Variants in LIMCH1 observed in about 807,000 individuals in gnomAD.
LIMCH1 encodes LIM and calponin homology domains 1.
Under a neutral mutation model 176.5 loss-of-function variants are expected in LIMCH1, and 113 were observed. That is an observed-to-expected ratio of 0.64 (90% CI 0.55 to 0.75). The LOEUF (loss-of-function observed/expected upper bound fraction) is 0.75, where lower values mean the gene tolerates loss of function less well. LIMCH1 is among the 30% of genes least tolerant of loss of function. The probability of loss-of-function intolerance (pLI) is 0.00; values close to 1 mark genes in which losing one functional copy is unlikely to be tolerated. For missense variants in LIMCH1, 1,674 were observed against 1,814.9 expected, an observed-to-expected ratio of 0.92 and a Z score of 1.41; for synonymous variants, 619 against 645.9, an observed-to-expected ratio of 0.96 and a Z score of 0.63.
At chr4:41,588,257 A>G (rs570198338) in intron 1 of LIMCH1, among the ~76,000 whole-genome samples, 1 of 152,324 alleles carries the variant, frequency 6.6e-6, no homozygotes, top group East Asian at 1.9e-4. Flanking sequence ...ATTTTTAGAT[A>G]CAGAATATGG....
chr4:41,502,109 T>A (rs1380415037), intron 2 of LIMCH1, among the ~76,000 whole-genome samples: 1 of 146,862 alleles, frequency 6.8e-6, no homozygotes, highest in Non-Finnish European at 1.5e-5. Flanking sequence ...TTCCCCCTAT[T>A]GTCCATGTGG....
intron 4 of LIMCH1, among the ~76,000 whole-genome samples, chr4:41,612,116 T>A (rs1319857742): frequency 6.6e-6 from 1 of 152,172 alleles, no homozygotes; most frequent in Non-Finnish European, 1.5e-5. Context: ...CGTCCTGCCC[T>A]TGTCCTCTTG....
chr4:41,456,837 G>A lies in LIMCH1; in HGVS notation c.97-37699G>A, dbSNP rs536228251. On this transcript the variant is annotated intron_variant, in intron 1 of 26. Transcript: ENST00000313860. ...TTGTTTGCTCACATGTCTGGTGGTC[G>A]ATGCTACAGGTCAGCTGAGACTTTA... 1.9e-3 allele frequency among the ~76,000 whole-genome samples: 295 copies of A among 152,220 alleles called. 1 individual carries two copies. The highest frequency in any genetic ancestry group is 6.8e-3 in the African/African-American group (281 of 41,530).
Position 41,685,733 on chromosome 4 carries a change from T to A in LIMCH1, c.3991T>A (p.Ser1331Thr), listed in dbSNP as rs1720212281. ...AQDPSQNQQT[S>T]NPTHSSEDVK... ...AGATCCATCCCAGAATCAGCAGACA[T>A]CAAATCCAACGCACAGTTCAGAAGA... The change falls in exon 28 of 32, where the codon TCA (serine) becomes ACA (threonine). Residue 1331 changes from serine (S) to threonine (T), a missense_variant. Ser to Thr is a moderately conservative substitution (Grantham distance 58). This residue lies in a region of LIMCH1 where 1,015 missense variants were observed against 1,102.5 expected (regional missense o/e 0.92). Transcript: ENST00000503057. 1 of 1,613,508 alleles carries A rather than the reference T, an allele frequency of 6.2e-7. No homozygotes were observed. Among genetic ancestry groups the A allele is most frequent in the Non-Finnish European group, 8.5e-7 (1 of 1,179,702 alleles).
At chr4:41,410,965 T>C (rs1214067700) in intron 1 of LIMCH1, among the ~76,000 whole-genome samples, 1 of 152,202 alleles carries the variant, frequency 6.6e-6, no homozygotes, top group African/African-American at 2.4e-5. Context: ...TTGCTGTTTG[T>C]AGAGGTTCAC....
At chr4:41,658,877 T>G (rs1307228937) in intron 18 of LIMCH1, among the ~76,000 whole-genome samples, 1 of 152,208 alleles carries the variant, frequency 6.6e-6, no homozygotes. Flanking sequence ...TCATCAATAT[T>G]TAACTGCAAA....
chr4:41,686,959 T>C (rs77647253), intron 28 of LIMCH1, among the ~76,000 whole-genome samples: 5,732 of 152,288 alleles, frequency 0.038, 300 homozygotes, highest in East Asian at 0.13. Context: ...TTTAATCTTT[T>C]TTAAAGCATT....
chr4:41,385,797 A>G (rs545704773), intron 1 of LIMCH1: 1 of 152,172 alleles, frequency 6.6e-6, no homozygotes, highest in Non-Finnish European at 1.5e-5. Flanking sequence ...CATAAGGAAG[A>G]GCTATAAAAA....
intron 1 of LIMCH1, among the ~76,000 whole-genome samples, chr4:41,430,904 T>C (rs896004772): frequency 3.9e-5 from 6 of 152,158 alleles, no homozygotes; most frequent in Admixed American, 6.5e-5. Context: ...TTTTTCTATG[T>C]GTCTTTCAGT....
At chr4:41,517,490 A>C (rs1208763923) in intron 2 of LIMCH1, among the ~76,000 whole-genome samples, 5 of 152,038 alleles carry the variant, frequency 3.3e-5, no homozygotes, top group African/African-American at 1.2e-4. Flanking sequence ...AGCTCCTATG[A>C]TCTCTTCTTA....
At chr4:41,552,256 C>G (rs532456387) in intron 1 of LIMCH1, among the ~76,000 whole-genome samples, 1 of 152,302 alleles carries the variant, frequency 6.6e-6, no homozygotes, top group African/African-American at 2.4e-5. Flanking sequence ...GGTGGAGACA[C>G]AGCCAAACCA....
At chr4:41,482,566 G>A (rs1248347745) in intron 1 of LIMCH1, among the ~76,000 whole-genome samples, 1 of 152,166 alleles carries the variant, frequency 6.6e-6, no homozygotes, top group Non-Finnish European at 1.5e-5. Flanking sequence ...TGAGAAAAAT[G>A]TCTTTTGGGT....
rs2060338050 is a variant in LIMCH1 at position 41,419,624 on chromosome 4, T to TTCCTTCC, written c.96+58690_96+58696dup. ...CTTCCGTCCTTCCTTCCTTCCTTCC[T>TTCCTTCC]TCCTTCCTTCCTCCTTCCTTTCTTC... On this transcript the variant is annotated intron_variant, in intron 1 of 26. Coordinates refer to the LIMCH1 transcript ENST00000313860. Among the ~76,000 whole-genome samples the TTCCTTCC allele has an allele frequency of 2.1e-5, 2 of 93,256 alleles. 1 individual carries two copies. The highest frequency in any genetic ancestry group is 1.2e-4 in the African/African-American group (2 of 16,612). The allele number at this position is 93,256 out of a possible 152,430, so 61.2% of individuals were successfully genotyped here. A position where few individuals can be genotyped will look rare whatever the true frequency, so the allele number is the denominator to read the frequency against.
At chr4:41,547,053 A>G (rs1264384653) in intron 1 of LIMCH1, among the ~76,000 whole-genome samples, 1 of 152,182 alleles carries the variant, frequency 6.6e-6, no homozygotes, top group Non-Finnish European at 1.5e-5. Context: ...AATTATATAT[A>G]TTTCTGGGAT....
At chr4:41,471,492 G>A (rs1448654084) in intron 1 of LIMCH1, among the ~76,000 whole-genome samples, 1 of 152,180 alleles carries the variant, frequency 6.6e-6, no homozygotes, top group Non-Finnish European at 1.5e-5. Flanking sequence ...GCTCTTGGAG[G>A]CCCTGCTGCC....
At chr4:41,376,895 A>T (rs1301561961) in intron 1 of LIMCH1, among the ~76,000 whole-genome samples, 1 of 152,222 alleles carries the variant, frequency 6.6e-6, no homozygotes, top group Non-Finnish European at 1.5e-5. Flanking sequence ...GGTTGCCCAT[A>T]TGCAGTACTT....
At chr4:41,429,091 C>T (rs1171357396) in intron 1 of LIMCH1, among the ~76,000 whole-genome samples, 2 of 152,160 alleles carry the variant, frequency 1.3e-5, no homozygotes, top group Non-Finnish European at 2.9e-5. Flanking sequence ...CAGATGAGTT[C>T]CAGCCGAGGG....
At chr4:41,573,481 A>G (rs934694374) in intron 1 of LIMCH1, among the ~76,000 whole-genome samples, 4 of 152,202 alleles carry the variant, frequency 2.6e-5, no homozygotes, top group African/African-American at 7.2e-5. Flanking sequence ...TACACTGTGC[A>G]TCACTTTTCC....
intron 13 of LIMCH1, among the ~76,000 whole-genome samples, chr4:41,638,102 T>TTTGTTG (rs146967384): frequency 0.014 from 1,219 of 87,102 alleles, 8 homozygotes; most frequent in African/African-American, 0.044. Context: ...GCTGTGTTGT[T>TTTGTTG]TTGTTGTTGT....
Sources: gnomAD v4.1 joint callset for allele counts (sites outside exome capture counted in the v4.1 genomes callset) on GRCh38, gnomAD v4.1.1 for gene constraint, gnomAD v4.1.1 regional missense constraint, MANE v1.5 for transcripts, NCBI Gene and HGNC (gene_info 2026-07-23, HGNC 2026-07-21) for gene names.